Variants in WASHC2C observed in about 807,000 individuals in gnomAD.
The protein encoded by WASHC2C is WASH complex subunit 2C.
In WASHC2C, 73 loss-of-function variants were observed where a neutral mutation model predicts 142.2. The ratio of observed to expected loss-of-function variants is 0.51; its 90% CI spans 0.43 to 0.62. The LOEUF is 0.62. Ranked by LOEUF, WASHC2C falls within the 20% of genes least tolerant of loss-of-function variation. The pLI, the probability that WASHC2C is intolerant of heterozygous loss-of-function variation, is 0.00. For missense variants in WASHC2C, 969 were observed against 1,531.7 expected (o/e 0.63, Z 6.13); for synonymous variants, 337 against 565.5 (o/e 0.60, Z 5.73).
intron 4 of WASHC2C, 84 bp downstream of exon 4, chr10:45,738,129 A>G (rs2051505950): frequency 1.5e-6 from 2 of 1,296,546 alleles, no homozygotes; most frequent in Non-Finnish European, 2.1e-6. Flanking sequence ...GAACTGGGGG[A>G]TGGTGGGTGG....
chr10:45,730,450 CTA>C (rs1350442321), intron 3 of WASHC2C, among the ~76,000 whole-genome samples: 1 of 142,778 alleles, frequency 7.0e-6, no homozygotes, highest in Non-Finnish European at 1.5e-5. Flanking sequence ...GTCAGGGACT[CTA>C]GACTCAACTT....
rs564363047 is a variant in WASHC2C, at chr10:45,784,783, T to C, written c.2608-38T>C. 3.1e-6 allele frequency: 5 copies of C among 1,597,466 alleles called. No individual in the cohort carries two copies. The South Asian group carries it at 3.3e-5, about 11-fold the overall frequency. ...ACCTAGTTCTCTTTGTAAATTGTTT[T>C]GCTTTTGGATATTGAACTTGGGTCT... On this transcript the variant is annotated intron_variant, in intron 24 of 30. Transcript: ENST00000623400.
In WASHC2C at chr10:45,752,713, C is replaced by G; in HGVS notation, c.1122+7C>G. On this transcript the variant is annotated splice_region_variant and intron_variant, in intron 12 of 30. Coordinates refer to ENST00000623400, the MANE Select transcript of WASHC2C (RefSeq NM_001330074.2). The stretch of plus-strand genomic sequence containing the variant: ...TGATGATGAGGACGAGGAGGTGAGT[C>G]CATGGCACCCAGCAACACTCCCTGC... The G allele has an allele frequency of 6.2e-7, 1 of 1,608,580 alleles. No homozygotes were observed. The highest frequency in any genetic ancestry group is 1.7e-5 in the Admixed American group (1 of 59,852).
chr10:45,787,347 C>T (rs2058115461), intron 28 of WASHC2C, 100 bp downstream of exon 28: 2 of 1,420,172 alleles, frequency 1.4e-6, no homozygotes, highest in Non-Finnish European at 1.9e-6. Context: ...GTCTTTGACT[C>T]TCCTTTTGAA....
intron 18 of WASHC2C, among the ~76,000 whole-genome samples, chr10:45,765,006 C>G (rs1294994161): frequency 6.6e-6 from 1 of 152,174 alleles, no homozygotes; most frequent in Non-Finnish European, 1.5e-5. Context: ...CTCAGGCCCT[C>G]TGATGCTTTT....
chr10:45,735,859 CAG>C (rs2051159991), intron 3 of WASHC2C, among the ~76,000 whole-genome samples: 1 of 152,138 alleles, frequency 6.6e-6, no homozygotes, highest in Non-Finnish European at 1.5e-5. Flanking sequence ...CTGCTAGTGA[CAG>C]GGAATTCTAC....
chr10:45,751,070 C>A (rs2053529719), intron 10 of WASHC2C, among the ~76,000 whole-genome samples: 2 of 152,188 alleles, frequency 1.3e-5, no homozygotes, highest in Admixed American at 1.3e-4. Context: ...ATGTAGATAA[C>A]CCTTTACATA....
At chr10:45,762,271 G>T (rs1398885877) in intron 17 of WASHC2C, among the ~76,000 whole-genome samples, 6 of 152,166 alleles carry the variant, frequency 3.9e-5, no homozygotes, top group Non-Finnish European at 7.4e-5. Flanking sequence ...GGAGTGCAAT[G>T]GTGGGATCTT....
rs1554869379 is a variant in WASHC2C, at chr10:45,743,414, C to A, written c.553C>A (p.Pro185Thr). The A allele has an allele frequency of 5.0e-6, 8 of 1,611,860 alleles. No individual in the cohort carries two copies. The highest frequency in any genetic ancestry group is 1.7e-5 in the Admixed American group (1 of 60,002). The change falls in exon 6 of 31, where the codon CCA becomes ACA. Residue 185 changes from proline to threonine, a missense_variant. Physicochemically the swap from Pro to Thr is conservative, Grantham distance 38. Transcript: ENST00000623400. ...PKDLYIDRPL[P>T]YLIGSKLFME... is the part of the protein sequence containing the mutation. ...GGATCTATACATTGATCGTCCTTTA[C>A]CATATCTCATTGGGTCAAAGCTGTT...
At chr10:45,788,152 A>G (rs1263477461) in intron 28 of WASHC2C, among the ~76,000 whole-genome samples, 1 of 152,198 alleles carries the variant, frequency 6.6e-6, no homozygotes, top group Non-Finnish European at 1.5e-5. Context: ...AAATTGTGAC[A>G]TTCCCCTGAA....
chr10:45,770,240 CAAA>C (rs552574113), intron 20 of WASHC2C, among the ~76,000 whole-genome samples: 6 of 83,146 alleles, frequency 7.2e-5, no homozygotes, highest in African/African-American at 1.6e-4. Flanking sequence ...GACTCCATCT[CAAA>C]AAAAAAAAAA....
chr10:45,766,453 A>G (rs1197878867), intron 19 of WASHC2C, among the ~76,000 whole-genome samples: 1 of 145,686 alleles, frequency 6.9e-6, no homozygotes, highest in Non-Finnish European at 1.5e-5. Flanking sequence ...GGATTCTTCT[A>G]TGTCCTGCTT....
At position 45,789,372 on chromosome 10, in the gene WASHC2C, A is replaced by G. The variant is rs2058260637; in HGVS notation, c.3589A>G (p.Asn1197Asp). 10 of 1,611,934 alleles carry G rather than the reference A, an allele frequency of 6.2e-6. No homozygotes were observed. Among genetic ancestry groups the G allele is most frequent in the Non-Finnish European group, 3.4e-6 (4 of 1,179,876 alleles). The change falls in exon 29 of 31, where the codon AAT (asparagine) becomes GAT (aspartate). Residue 1197 changes from asparagine to aspartate, a missense_variant. Physicochemically the swap from Asn to Asp is conservative, Grantham distance 23 (BLOSUM62 1). Transcript: ENST00000623400. ...TAAACCAAAACCAGCAAAGAAAACA[A>G]ATCCCTTTCCTCTCCTGGAAGATGA... is the stretch of plus-strand genomic sequence containing the variant. The part of the protein sequence containing the change: ...SAKPKPAKKT[N>D]PFPLLEDEDD...
chr10:45,781,264 C>G (rs1479154280), intron 23 of WASHC2C, among the ~76,000 whole-genome samples: 3 of 152,170 alleles, frequency 2.0e-5, no homozygotes, highest in Admixed American at 2.0e-4. Context: ...GACCAGAAAC[C>G]TTAATATTGG....
intron 7 of WASHC2C, among the ~76,000 whole-genome samples, chr10:45,745,827 A>G (rs1284658042): frequency 6.6e-6 from 1 of 151,394 alleles, no homozygotes; most frequent in African/African-American, 2.4e-5. Context: ...TGTGCAGGTT[A>G]GTTACATATG....
At chr10:45,728,058 T>A (rs556553868) in intron 2 of WASHC2C, among the ~76,000 whole-genome samples, 1 of 152,156 alleles carries the variant, frequency 6.6e-6, no homozygotes, top group Non-Finnish European at 1.5e-5. Flanking sequence ...AGACAGGGTT[T>A]TGCCCTGTCG....
At chr10:45,782,425 AG>A (rs1554888282) in intron 23 of WASHC2C, among the ~76,000 whole-genome samples, 2 of 149,262 alleles carry the variant, frequency 1.3e-5, no homozygotes, top group African/African-American at 5.0e-5. Context: ...ACCCGGGAAG[AG>A]GACCATAATA....
chr10:45,758,600 C>A (rs1369951084), intron 16 of WASHC2C, among the ~76,000 whole-genome samples: 1 of 140,652 alleles, frequency 7.1e-6, no homozygotes, highest in Non-Finnish European at 1.6e-5. Flanking sequence ...TACCATCATT[C>A]TTCTTCTTTT....
At chr10:45,790,638 G>T in intron 30 of WASHC2C, 105 bp downstream of exon 30, 1 of 1,460,708 alleles carries the variant, frequency 6.8e-7, no homozygotes. Context: ...ATGCACCCCA[G>T]CGGGTTCACT....
Sources: allele counts gnomAD v4.1 joint callset (sites outside exome capture counted in the v4.1 genomes callset), GRCh38; gene constraint gnomAD v4.1.1; transcripts MANE v1.5; gene names NCBI Gene and HGNC (gene_info 2026-07-23, HGNC 2026-07-21).